The following THSD7B variants were observed in gnomAD, a reference collection of about 807,000 sequenced individuals.
The protein encoded by THSD7B is thrombospondin type-1 domain-containing protein 7B.
THSD7B carries 138 observed loss-of-function variants against 213.6 expected under a neutral mutation model. That is an observed-to-expected ratio of 0.65 (90% CI 0.56 to 0.74). THSD7B has a LOEUF of 0.74. THSD7B is among the 30% of genes least tolerant of loss of function. The pLI, the probability that THSD7B is intolerant of heterozygous loss-of-function variation, is 0.00. For synonymous variants in THSD7B, 742 were observed against 687.0 expected, an observed-to-expected ratio of 1.08 and a Z score of -1.25; for missense variants, 1,931 against 1,991.5, an observed-to-expected ratio of 0.97 and a Z score of 0.58.
chr2:136,909,616 A>G (rs1348824362), intron 2 of THSD7B, among the ~76,000 whole-genome samples: 2 of 152,220 alleles, frequency 1.3e-5, no homozygotes, highest in Non-Finnish European at 2.9e-5. Context: ...GCTTATATTT[A>G]TCCAAGAAAC....
At chr2:137,235,451 G>A (rs940969768) in intron 9 of THSD7B, among the ~76,000 whole-genome samples, 1 of 152,066 alleles carries the variant, frequency 6.6e-6, no homozygotes, top group Non-Finnish European at 1.5e-5. Context: ...TTTTAGCAAA[G>A]GGGCATTAGA....
At chr2:137,470,910 C>CT (rs70978226) in intron 15 of THSD7B, among the ~76,000 whole-genome samples, 78 of 119,800 alleles carry the variant, frequency 6.5e-4, no homozygotes, top group African/African-American at 1.9e-3. Flanking sequence ...TTTTTCTTTA[C>CT]TTTTTTTTTT....
At chr2:137,515,773 G>T (rs1457632677) in intron 15 of THSD7B, among the ~76,000 whole-genome samples, 1 of 152,184 alleles carries the variant, frequency 6.6e-6, no homozygotes, top group African/African-American at 2.4e-5. Flanking sequence ...CTGTGAGTGA[G>T]CTGGAAATGC....
At chr2:137,170,645 A>T in intron 6 of THSD7B, 96 bp from the exon 7 acceptor site, 1 of 1,167,630 alleles carries the variant, frequency 8.6e-7, no homozygotes, top group Non-Finnish European at 1.2e-6. Context: ...AGCGATGAGT[A>T]CTTGAATAAA....
At chr2:136,881,020 C>A (rs372565102) in intron 1 of THSD7B, among the ~76,000 whole-genome samples, 3 of 152,240 alleles carry the variant, frequency 2.0e-5, no homozygotes, top group African/African-American at 7.2e-5. Context: ...TCCTTCACAG[C>A]AACCACCAGC....
intron 1 of THSD7B, among the ~76,000 whole-genome samples, chr2:136,864,380 G>A (rs189764339): frequency 2.0e-5 from 3 of 152,052 alleles, no homozygotes; most frequent in Admixed American, 1.3e-4. Context: ...AAAAGTAAGA[G>A]GACAAAGAAG....
At chr2:137,659,616 A>C in intron 24 of THSD7B, 48 bp from the exon 25 acceptor site, 1 of 1,502,758 alleles carries the variant, frequency 6.7e-7, no homozygotes, top group Non-Finnish European at 8.9e-7. Context: ...AAAAATTAGA[A>C]ATATCTAATA....
At chr2:137,049,397 A>G (rs1014784912) in intron 2 of THSD7B, among the ~76,000 whole-genome samples, 1 of 152,248 alleles carries the variant, frequency 6.6e-6, no homozygotes, top group African/African-American at 2.4e-5. Context: ...ATAGAACTGG[A>G]GAGGGCACCT....
At chr2:137,037,462 T>C (rs561473899) in intron 2 of THSD7B, among the ~76,000 whole-genome samples, 1 of 151,646 alleles carries the variant, frequency 6.6e-6, no homozygotes, top group East Asian at 1.9e-4. Flanking sequence ...TTGTGAATAC[T>C]GTACTTTTGT....
intron 14 of THSD7B, among the ~76,000 whole-genome samples, chr2:137,424,455 G>A (rs925368725): frequency 1.3e-5 from 2 of 152,104 alleles, no homozygotes; most frequent in Admixed American, 6.5e-5. Context: ...CAATAGCCCT[G>A]ATAAATGTAG....
intron 14 of THSD7B, among the ~76,000 whole-genome samples, chr2:137,420,645 G>A (rs1047760935): frequency 6.6e-6 from 1 of 152,196 alleles, no homozygotes; most frequent in African/African-American, 2.4e-5. Flanking sequence ...AGCTGGCAGA[G>A]TGTCAGCAAA....
At chr2:137,005,061 C>T (rs1686077734) in intron 2 of THSD7B, among the ~76,000 whole-genome samples, 1 of 152,104 alleles carries the variant, frequency 6.6e-6, no homozygotes. Context: ...TGCTACTGCT[C>T]TGAAAATTAT....
intron 2 of THSD7B, among the ~76,000 whole-genome samples, chr2:137,003,252 G>A (rs1235596963): frequency 6.6e-6 from 1 of 152,176 alleles, no homozygotes; most frequent in African/African-American, 2.4e-5. Flanking sequence ...TTGTCTCAGA[G>A]TCCTGCTCCT....
At chr2:136,771,955 G>A (rs1310963291) in intron 1 of THSD7B, among the ~76,000 whole-genome samples, 1 of 152,084 alleles carries the variant, frequency 6.6e-6, no homozygotes, top group African/African-American at 2.4e-5. Context: ...CCTATGAATT[G>A]CTGCATACCT....
intron 10 of THSD7B, among the ~76,000 whole-genome samples, chr2:137,262,794 C>G (rs980639086): frequency 3.3e-5 from 5 of 152,180 alleles, no homozygotes; most frequent in African/African-American, 1.2e-4. Flanking sequence ...TTTTTTAAAA[C>G]ATGCTAATAC....
At chr2:136,880,749 A>G (rs1683607903) in intron 1 of THSD7B, among the ~76,000 whole-genome samples, 1 of 152,118 alleles carries the variant, frequency 6.6e-6, no homozygotes. Flanking sequence ...CTGATCCTTG[A>G]TCTTTTCATT....
intron 12 of THSD7B, among the ~76,000 whole-genome samples, chr2:137,286,701 G>A (rs1050395642): frequency 2.0e-5 from 3 of 151,478 alleles, no homozygotes; most frequent in African/African-American, 4.8e-5. Flanking sequence ...TTGGGTATGG[G>A]AGGAGGAGGA....
intron 2 of THSD7B, among the ~76,000 whole-genome samples, chr2:136,975,983 T>C (rs898864482): frequency 6.6e-6 from 1 of 152,216 alleles, no homozygotes; most frequent in Non-Finnish European, 1.5e-5. Flanking sequence ...TTTGGCTGTT[T>C]GCTTCTCTGT....
At chr2:137,166,526 G>T (rs1680133447) in intron 6 of THSD7B, among the ~76,000 whole-genome samples, 1 of 152,152 alleles carries the variant, frequency 6.6e-6, no homozygotes, top group Non-Finnish European at 1.5e-5. Context: ...ACAGCCAGCT[G>T]CTTAGGTGGA....
Sources: gnomAD v4.1 joint callset for allele counts (sites outside exome capture counted in the v4.1 genomes callset) on GRCh38, gnomAD v4.1.1 for gene constraint, MANE v1.5 for transcripts, NCBI Gene and HGNC (gene_info 2026-07-23, HGNC 2026-07-21) for gene names.